The following IQGAP3 variants were observed in gnomAD, a reference collection of about 807,000 sequenced individuals.
IQGAP3 encodes the protein IQ motif containing GTPase activating protein 3, also known as ras GTPase-activating-like protein IQGAP3.
IQGAP3 carries 165 observed loss-of-function variants against 208.2 expected under a neutral mutation model. The observed-to-expected ratio is 0.79, with a 90% CI of 0.70 to 0.90. The LOEUF (loss-of-function observed/expected upper bound fraction) is 0.90. Among genes scored for constraint, IQGAP3 ranks in the 40% least tolerant of loss-of-function variants. IQGAP3 has a pLI of 0.00. For synonymous variants in IQGAP3, 703 were observed against 803.6 expected (o/e 0.87, Z 2.12); for missense variants, 1,811 against 2,043.1 (o/e 0.89, Z 2.19).
Position 156,562,003 on chromosome 1 carries a change from T to C in IQGAP3, c.878-2A>G. 1 of 1,595,622 alleles carries C rather than the reference T, an allele frequency of 6.3e-7. No homozygotes were observed. On this transcript the variant is annotated splice_acceptor_variant, in intron 9 of 37. Transcript: ENST00000361170. LOFTEE classifies it high-confidence loss of function. ...CAACAACTTCTAGAGCCCCATGGAC[T>C]GAAAAAAAATGACTCCATAATGGAC...
At chr1:156,549,487 A>AG (rs1675438123) in intron 16 of IQGAP3, among the ~76,000 whole-genome samples, 3 of 147,652 alleles carry the variant, frequency 2.0e-5, no homozygotes, top group Admixed American at 2.0e-4. Flanking sequence ...AAAAAAAAAA[A>AG]GAAAAAAAAA....
intron 37 of IQGAP3, among the ~76,000 whole-genome samples, chr1:156,527,278 A>G (rs1054544417): frequency 1.1e-4 from 16 of 151,534 alleles, no homozygotes; most frequent in South Asian, 2.1e-4. Context: ...TCAGCAGTTC[A>G]AGACCAGCCT....
Position 156,540,908 on chromosome 1 carries a change from G to A in IQGAP3, c.2539C>T (p.Pro847Ser), listed in dbSNP as rs1004859234. The A allele has an allele frequency of 1.2e-6, 2 of 1,613,572 alleles. No individual in the cohort carries two copies. Among genetic ancestry groups the A allele is most frequent in the Non-Finnish European group, 1.7e-6 (2 of 1,179,856 alleles). ...QDDYRILVHA[P>S]HPPLSVVRRF... ...CGTACCACACTGAGAGGAGGGTGGGGTGCATGCACTGGGAGGAAGGGAGGA... is the reference window on the plus strand; with the variant it reads ...CGTACCACACTGAGAGGAGGGTGGGATGCATGCACTGGGAGGAAGGGAGGA... The change falls in exon 23 of 38, where the codon CCC becomes TCC. Residue 847 changes from proline (P) to serine (S), a missense_variant. Physicochemically the swap from Pro to Ser is moderately conservative, Grantham distance 74 (BLOSUM62 -1). Coordinates refer to ENST00000361170, the MANE Select transcript of IQGAP3 (RefSeq NM_178229.5).
At chr1:156,531,063 T>C (rs1336633398) in intron 33 of IQGAP3, 97 bp downstream of exon 33, 7 of 847,228 alleles carry the variant, frequency 8.3e-6, no homozygotes, top group African/African-American at 6.6e-5. Context: ...TTCTGGCTGA[T>C]GTGGGTGAGG....
At position 156,526,370 on chromosome 1, in the gene IQGAP3, C is replaced by G; in HGVS notation, c.*116G>C. 1.4e-6 allele frequency: 1 copy of G among 715,658 alleles called. No homozygotes were observed. The highest frequency in any genetic ancestry group is 2.6e-5 in the East Asian group (1 of 37,780). 44.3% of individuals were successfully genotyped at this position (715,658 alleles called of 1,614,324 possible). On this transcript the variant is annotated 3_prime_UTR_variant, in exon 38 of 38. Coordinates refer to ENST00000361170, the MANE Select transcript of IQGAP3 (RefSeq NM_178229.5). ...CCAGCTGGGGAAGGGGTGAGAATCC[C>G]TGGGCCTTGCCCAGTCCTGAGCTCT...
intron 22 of IQGAP3, among the ~76,000 whole-genome samples, chr1:156,543,211 G>A (rs1345168270): frequency 2.6e-5 from 4 of 152,094 alleles, no homozygotes. Context: ...AGGAGAGAAA[G>A]AAGCTTGTTG....
chr1:156,529,778 G>A (rs909846746), intron 34 of IQGAP3, among the ~76,000 whole-genome samples: 2 of 151,706 alleles, frequency 1.3e-5, no homozygotes, highest in East Asian at 1.9e-4. Flanking sequence ...AAAATTAGCC[G>A]GGCATGGCAG....
chr1:156,526,721 T>C, intron 37 of IQGAP3, 122 bp from the exon 38 acceptor site: 1 of 653,680 alleles, frequency 1.5e-6, no homozygotes, highest in East Asian at 2.7e-5. Context: ...GCCACTGAAG[T>C]AGGGCATTGA....
chr1:156,547,271 C>A (rs1415153326), intron 19 of IQGAP3, among the ~76,000 whole-genome samples: 1 of 152,160 alleles, frequency 6.6e-6, no homozygotes, highest in Non-Finnish European at 1.5e-5. Context: ...AGGCTATTCT[C>A]TTCCTAAAGG....
intron 5 of IQGAP3, 136 bp downstream of exon 5, chr1:156,564,479 A>T: frequency 1.4e-6 from 1 of 709,348 alleles, no homozygotes; most frequent in Non-Finnish European, 2.6e-6. Flanking sequence ...AACTCTGTAA[A>T]TCTGAAACCT....
rs754553573 is a variant in IQGAP3, at chr1:156,530,250, C to A, written c.4259G>T (p.Arg1420Leu). The stretch of plus-strand genomic sequence containing the variant: ...GTGAGCTGTCAGTGAGCGGTGTCGT[C>A]GCAGTGGCTCCGGTGTCTGGGCTGT... ...ACTAQTPEPL[R>L]RHRSLTAHSL... Residue 1420 changes from arginine to leucine, a missense_variant, in exon 34 of 38, where the codon CGA (arginine) becomes CTA (leucine). By Grantham distance (102) the Arg-to-Leu change is moderately radical (BLOSUM62 -2). Transcript: ENST00000361170. 6.2e-7 allele frequency: 1 copy of A among 1,612,876 alleles called. No homozygotes were observed. Among genetic ancestry groups the A allele is most frequent in the African/African-American group, 1.3e-5 (1 of 75,044 alleles).
intron 34 of IQGAP3, among the ~76,000 whole-genome samples, 170 bp downstream of exon 34, chr1:156,529,924 AAAAAAAAAAAG>A (rs1360605191): frequency 6.6e-6 from 1 of 151,320 alleles, no homozygotes; most frequent in African/African-American, 2.4e-5. Context: ...CTCAAAAAAA[AAAAAAAAAAAG>A]AAAAAAAAAT....
At chr1:156,571,663 A>C (rs1167237138) in intron 1 of IQGAP3, among the ~76,000 whole-genome samples, 1 of 152,244 alleles carries the variant, frequency 6.6e-6, no homozygotes, top group African/African-American at 2.4e-5. Context: ...GTACATACAC[A>C]TGCTGTCTCA....
chr1:156,566,602 T>C, intron 2 of IQGAP3, 56 bp from the exon 3 acceptor site: 1 of 1,564,614 alleles, frequency 6.4e-7, no homozygotes, highest in Non-Finnish European at 8.8e-7. Context: ...TGATTTATTC[T>C]AACAACAGGA....
In IQGAP3 at chr1:156,554,360, C is replaced by T. The variant is rs768681949; in HGVS notation, c.1323G>A (p.Val441=). 100 of 1,611,502 alleles carry T rather than the reference C, an allele frequency of 6.2e-5. No individual in the cohort carries two copies. The highest frequency in any genetic ancestry group is 8.3e-5 in the Non-Finnish European group (98 of 1,179,266). Residue 441 remains valine (V), a synonymous_variant, in exon 13 of 38, where the codon GTG becomes GTA. Coordinates refer to ENST00000361170, the MANE Select transcript of IQGAP3 (RefSeq NM_178229.5). ...ELGQEELFVA[V]EMLSAVVLIN... Reference sequence around the variant, plus strand: ...TCAGGACCACAGCTGAGAGCATCTCCACAGCCACGAAGAGCTCCTCCTGGC... The same window carrying T: ...TCAGGACCACAGCTGAGAGCATCTCTACAGCCACGAAGAGCTCCTCCTGGC...
intron 32 of IQGAP3, among the ~76,000 whole-genome samples, chr1:156,532,153 A>G (rs12139543): frequency 6.6e-6 from 1 of 151,468 alleles, no homozygotes; most frequent in Non-Finnish European, 1.5e-5. Context: ...TTGGGAGGCC[A>G]AGGCAGGCAG....
chr1:156,553,722 G>C (rs6427318), intron 13 of IQGAP3, among the ~76,000 whole-genome samples: 146,294 of 152,098 alleles, frequency 0.96, 70,621 homozygotes, highest in East Asian at 1. Context: ...GCTAGGATTA[G>C]AGGCATGTGC....
At chr1:156,551,307 CAG>C (rs1244138668) in intron 15 of IQGAP3, among the ~76,000 whole-genome samples, 1 of 152,218 alleles carries the variant, frequency 6.6e-6, no homozygotes, top group Non-Finnish European at 1.5e-5. Flanking sequence ...GCAACATACT[CAG>C]GGTGTTTCAG....
Position 156,534,532 on chromosome 1 carries a change from C to A in IQGAP3, c.3709G>T (p.Asp1237Tyr), listed in dbSNP as rs569358399. The change falls in exon 29 of 38, where the codon GAC (aspartate) becomes TAC (tyrosine). Residue 1237 changes from aspartate (D) to tyrosine (Y), a missense_variant. Physicochemically the swap from Asp to Tyr is radical, Grantham distance 160. Coordinates refer to ENST00000361170, the MANE Select transcript of IQGAP3 (RefSeq NM_178229.5). ...GQSQHLRVLN[D>Y]YLEETHLKFR... ...TTGAGGTGTGTTTCCTCCAGATAGT[C>A]ATTCAGGACCCGTAGGTGCTGGCTC... 6.3e-6 allele frequency: 10 copies of A among 1,592,472 alleles called. No homozygotes were observed. In the Admixed American group the frequency reaches 7.3e-5, roughly 12 times the overall value.
Sources: gnomAD v4.1 joint callset for allele counts (sites outside exome capture counted in the v4.1 genomes callset) on GRCh38, gnomAD v4.1.1 for gene constraint, MANE v1.5 for transcripts, NCBI Gene and HGNC (gene_info 2026-07-23, HGNC 2026-07-21) for gene names.